SPAG16: variants seen among roughly 807,000 people sequenced by gnomAD.
The protein encoded by SPAG16 is sperm associated antigen 16.
SPAG16 carries 86 observed loss-of-function variants against 80.4 expected under a neutral mutation model. The observed-to-expected ratio is 1.07, with a 90% confidence interval of 0.90 to 1.28. The LOEUF (loss-of-function observed/expected upper bound fraction) is 1.28. Among genes scored for constraint, SPAG16 ranks in the 50% most tolerant of loss-of-function variants. The probability of loss-of-function intolerance (pLI) is 0.00; values close to 1 mark genes in which losing one functional copy is unlikely to be tolerated. For missense variants in SPAG16, 870 were observed against 765.3 expected, an observed-to-expected ratio of 1.14 and a Z score of -1.61; for synonymous variants, 294 against 265.9, an observed-to-expected ratio of 1.11 and a Z score of -1.03.
chr2:214,054,020 C>T (rs1015385499), intron 13 of SPAG16, among the ~76,000 whole-genome samples: 2 of 151,992 alleles, frequency 1.3e-5, no homozygotes, highest in Non-Finnish European at 2.9e-5. Flanking sequence ...AAAACGGAGT[C>T]TCCCTCTTGT....
chr2:214,184,192 G>A (rs1347408813), intron 15 of SPAG16, among the ~76,000 whole-genome samples: 1 of 151,808 alleles, frequency 6.6e-6, no homozygotes, highest in Non-Finnish European at 1.5e-5. Flanking sequence ...TGCATTTCTT[G>A]TTTCTTTTGT....
intron 11 of SPAG16, among the ~76,000 whole-genome samples, chr2:213,895,868 A>G (rs1302254823): frequency 6.6e-6 from 1 of 152,152 alleles, no homozygotes; most frequent in Non-Finnish European, 1.5e-5. Flanking sequence ...ATTGGTCTGG[A>G]CAAAGATTTT....
intron 10 of SPAG16, among the ~76,000 whole-genome samples, chr2:213,502,962 TG>T (rs1363063798): frequency 1.3e-5 from 2 of 152,216 alleles, no homozygotes. Context: ...TCAAGTCATA[TG>T]TACAACAGAA....
intron 10 of SPAG16, among the ~76,000 whole-genome samples, chr2:213,492,504 C>A (rs753094027): frequency 1.1e-4 from 16 of 151,878 alleles, no homozygotes; most frequent in Non-Finnish European, 2.1e-4. Context: ...GAGCCAAGAT[C>A]GTGCCACTGC....
At chr2:213,996,103 A>G (rs1338899306) in intron 12 of SPAG16, among the ~76,000 whole-genome samples, 2 of 152,218 alleles carry the variant, frequency 1.3e-5, no homozygotes, top group Non-Finnish European at 2.9e-5. Context: ...TCCAGAGGCA[A>G]GGAATTACAA....
At chr2:214,256,743 CT>C (rs1453743916) in intron 15 of SPAG16, among the ~76,000 whole-genome samples, 2 of 151,880 alleles carry the variant, frequency 1.3e-5, no homozygotes, top group African/African-American at 4.8e-5. Context: ...TATGAGTCTA[CT>C]TTCTATTGCC....
At chr2:213,959,263 T>C (rs1398266745) in intron 12 of SPAG16, among the ~76,000 whole-genome samples, 1 of 152,224 alleles carries the variant, frequency 6.6e-6, no homozygotes, top group Non-Finnish European at 1.5e-5. Flanking sequence ...TGAAGGTCTT[T>C]GTACTTCTCG....
intron 10 of SPAG16, among the ~76,000 whole-genome samples, chr2:213,705,467 C>T (rs988160725): frequency 1.5e-5 from 2 of 137,810 alleles, no homozygotes; most frequent in Non-Finnish European, 3.4e-5. Flanking sequence ...CAATTGGCAT[C>T]TCTTAAGAGG....
intron 10 of SPAG16, among the ~76,000 whole-genome samples, chr2:213,622,990 G>C (rs941884806): frequency 6.6e-6 from 1 of 152,100 alleles, no homozygotes; most frequent in African/African-American, 2.4e-5. Flanking sequence ...CCTTCCATTT[G>C]TTCTTCACAA....
At chr2:213,544,095 A>G (rs981063547) in intron 10 of SPAG16, among the ~76,000 whole-genome samples, 1 of 149,118 alleles carries the variant, frequency 6.7e-6, no homozygotes, top group African/African-American at 2.5e-5. Context: ...GACCTATTGT[A>G]CTGGCTTTCT....
intron 15 of SPAG16, among the ~76,000 whole-genome samples, chr2:214,394,911 A>C (rs1468394655): frequency 6.6e-6 from 1 of 152,166 alleles, no homozygotes; most frequent in South Asian, 2.1e-4. Context: ...TCTTTTTATT[A>C]TCTCCATAGT....
intron 12 of SPAG16, among the ~76,000 whole-genome samples, chr2:213,985,996 TTG>T (rs1166653797): frequency 6.6e-6 from 1 of 151,962 alleles, no homozygotes; most frequent in Non-Finnish European, 1.5e-5. Flanking sequence ...GAAAAAGGAG[TTG>T]TTTTTTGCAC....
chr2:214,065,813 C>T (rs1053263203), intron 13 of SPAG16, among the ~76,000 whole-genome samples: 4 of 152,136 alleles, frequency 2.6e-5, no homozygotes, highest in Non-Finnish European at 5.9e-5. Flanking sequence ...AATTAGGAGA[C>T]ATTGGTTGGC....
chr2:213,702,957 C>T (rs1574870269), intron 10 of SPAG16, among the ~76,000 whole-genome samples: 1 of 152,162 alleles, frequency 6.6e-6, no homozygotes, highest in Non-Finnish European at 1.5e-5. Context: ...GCGCTCTACC[C>T]TTCTATGTGG....
At chr2:213,384,326 C>G (rs2067318104) in intron 9 of SPAG16, among the ~76,000 whole-genome samples, 1 of 152,138 alleles carries the variant, frequency 6.6e-6, no homozygotes, top group Admixed American at 6.6e-5. Context: ...GGAAGTTCTG[C>G]AAAATACCAA....
At chr2:214,330,890 T>G (rs1311500168) in intron 15 of SPAG16, among the ~76,000 whole-genome samples, 1 of 152,180 alleles carries the variant, frequency 6.6e-6, no homozygotes, top group Non-Finnish European at 1.5e-5. Context: ...CCTTACTTCA[T>G]GCAGTCAATT....
intron 10 of SPAG16, among the ~76,000 whole-genome samples, chr2:213,855,458 G>A (rs1896275): frequency 0.25 from 38,099 of 152,168 alleles, 5,276 homozygotes; most frequent in South Asian, 0.38. Flanking sequence ...AGTGGTAAAC[G>A]TAACTCATAG....
At chr2:213,369,813 ACCACCTG>A (rs1054173512) in intron 8 of SPAG16, among the ~76,000 whole-genome samples, 3 of 152,102 alleles carry the variant, frequency 2.0e-5, no homozygotes, top group African/African-American at 7.2e-5. Context: ...CCACCCATAT[ACCACCTG>A]CCCCCAGACA....
chr2:213,564,809 G>T (rs1451818671), intron 10 of SPAG16, among the ~76,000 whole-genome samples: 3 of 152,144 alleles, frequency 2.0e-5, no homozygotes, highest in Non-Finnish European at 4.4e-5. Context: ...TTGACTACAT[G>T]TTGTAGATTA....
Sources: allele counts gnomAD v4.1 joint callset (sites outside exome capture counted in the v4.1 genomes callset), GRCh38; gene constraint gnomAD v4.1.1; transcripts MANE v1.5; gene names NCBI Gene and HGNC (gene_info 2026-07-23, HGNC 2026-07-21).